The following RALYL variants were observed in gnomAD, a reference collection of about 807,000 sequenced individuals.
RALYL encodes RNA-binding Raly-like protein.
Under a neutral mutation model 35.1 loss-of-function variants are expected in RALYL, and 29 were observed. The ratio of observed to expected loss-of-function variants is 0.83; its 90% CI spans 0.61 to 1.13. The LOEUF is 1.13. RALYL is among the 50% of genes most tolerant of loss of function. The probability of loss-of-function intolerance (pLI) is 0.00; values close to 1 mark genes in which losing one functional copy is unlikely to be tolerated. For missense variants in RALYL, 359 were observed against 360.4 expected (o/e 1.00, Z 0.03); for synonymous variants, 120 against 127.6 (o/e 0.94, Z 0.40).
At chr8:84,888,949 C>T (rs1563814832) in intron 8 of RALYL, among the ~76,000 whole-genome samples, 2 of 152,076 alleles carry the variant, frequency 1.3e-5, no homozygotes, top group South Asian at 2.1e-4. Flanking sequence ...GCGGTTTCAC[C>T]ATGTTGGCCA....
At chr8:84,718,308 G>A (rs1275752216) in intron 2 of RALYL, among the ~76,000 whole-genome samples, 1 of 152,094 alleles carries the variant, frequency 6.6e-6, no homozygotes, top group African/African-American at 2.4e-5. Flanking sequence ...TTAAGTATGT[G>A]TTATCAACTT....
At chr8:84,639,140 G>A (rs568492270) in intron 2 of RALYL, among the ~76,000 whole-genome samples, 9 of 151,078 alleles carry the variant, frequency 6.0e-5, no homozygotes, top group South Asian at 2.1e-4. Flanking sequence ...GTCTTTTCTC[G>A]GGAGAAACTT....
chr8:84,201,567 CTT>C (rs35305807), intron 1 of RALYL, among the ~76,000 whole-genome samples: 2 of 137,740 alleles, frequency 1.5e-5, no homozygotes. Context: ...TTTTGCTTTT[CTT>C]TTTTTTTTTT....
intron 8 of RALYL, among the ~76,000 whole-genome samples, chr8:84,918,751 AAAT>A: frequency 6.6e-6 from 1 of 152,128 alleles, no homozygotes; most frequent in Non-Finnish European, 1.5e-5. Flanking sequence ...AGATAAGGAG[AAAT>A]ATATTCATGA....
At chr8:84,511,013 C>T (rs1208213024) in intron 1 of RALYL, among the ~76,000 whole-genome samples, 1 of 152,162 alleles carries the variant, frequency 6.6e-6, no homozygotes, top group African/African-American at 2.4e-5. Flanking sequence ...CAATAGATCT[C>T]AAAACCTATT....
chr8:84,273,010 A>G (rs1041609782), intron 1 of RALYL, among the ~76,000 whole-genome samples: 1 of 152,248 alleles, frequency 6.6e-6, no homozygotes, highest in Non-Finnish European at 1.5e-5. Flanking sequence ...TCTAGCAATT[A>G]TTCAGCCTAC....
intron 2 of RALYL, among the ~76,000 whole-genome samples, chr8:84,740,609 A>G (rs2133045873): frequency 6.6e-6 from 1 of 152,186 alleles, no homozygotes; most frequent in Admixed American, 6.6e-5. Flanking sequence ...GTTGTTCAGC[A>G]GATTACTAGA....
chr8:84,500,943 G>A (rs2056584624), intron 1 of RALYL, among the ~76,000 whole-genome samples: 1 of 152,106 alleles, frequency 6.6e-6, no homozygotes, highest in African/African-American at 2.4e-5. Flanking sequence ...TATTTGGAAT[G>A]ACAAGATGAT....
In RALYL at chr8:84,206,465, C is replaced by T. The variant is rs571806489; in HGVS notation, c.-24+22041C>T. 1.4e-4 allele frequency among the ~76,000 whole-genome samples: 21 copies of T among 152,148 alleles called. No homozygotes were observed. In the South Asian group the frequency reaches 1.7e-3, roughly 12 times the overall value. On this transcript the variant is annotated intron_variant, in intron 1 of 8. Coordinates refer to ENST00000521268, the MANE Select transcript of RALYL (RefSeq NM_173848.7). Reference sequence around the variant, plus strand: ...AATTATTTCATCAAGGCTATATACACGAGACACTGAAAAAACAGTTTAGTG... The same window carrying T: ...AATTATTTCATCAAGGCTATATACATGAGACACTGAAAAAACAGTTTAGTG...
chr8:84,684,097 G>T (rs1836250295), intron 2 of RALYL, among the ~76,000 whole-genome samples: 1 of 152,108 alleles, frequency 6.6e-6, no homozygotes, highest in Non-Finnish European at 1.5e-5. Context: ...GCCAAATTCA[G>T]CACTACTCAC....
intron 1 of RALYL, among the ~76,000 whole-genome samples, chr8:84,354,055 T>TA (rs1350441201): frequency 3.8e-5 from 5 of 132,444 alleles, no homozygotes; most frequent in Admixed American, 3.2e-4. Context: ...TCACTATTTT[T>TA]AAAAAATAGA....
At chr8:84,695,974 A>G (rs144209946) in intron 2 of RALYL, among the ~76,000 whole-genome samples, 71 of 151,844 alleles carry the variant, frequency 4.7e-4, no homozygotes, top group African/African-American at 1.6e-3. Flanking sequence ...GTCAAGGGCC[A>G]TTTTTTTCAA....
chr8:84,187,287 A>G (rs7009703), intron 1 of RALYL, among the ~76,000 whole-genome samples: 198 of 152,260 alleles, frequency 1.3e-3, no homozygotes, highest in African/African-American at 4.6e-3. Flanking sequence ...TAATTTTTCA[A>G]TGTCTATCTC....
rs576096722 is a variant in RALYL at position 84,630,094 on chromosome 8, T to C, written c.256+100517T>C. ...TTTAGGACAATCAGGCTATATGATT[T>C]AGAATTTTTTCCAGCTAAGATTAGC... is the stretch of plus-strand genomic sequence containing the variant. On this transcript the variant is annotated intron_variant, in intron 2 of 8. Transcript: ENST00000521268. 5.9e-5 allele frequency among the ~76,000 whole-genome samples: 9 copies of C among 152,172 alleles called. No individual in the cohort carries two copies. The East Asian group carries it at 1.7e-3, about 29-fold the overall frequency.
chr8:84,699,201 C>T (rs77795164), intron 2 of RALYL, among the ~76,000 whole-genome samples: 3,800 of 152,176 alleles, frequency 0.025, 74 homozygotes, highest in Non-Finnish European at 0.04. Flanking sequence ...TTTAATTTCT[C>T]ATCAGGATTC....
At chr8:84,315,362 G>C (rs1173735862) in intron 1 of RALYL, among the ~76,000 whole-genome samples, 3 of 152,096 alleles carry the variant, frequency 2.0e-5, no homozygotes, top group African/African-American at 7.2e-5. Flanking sequence ...TTTGCCAAGA[G>C]TATGTTTACT....
At chr8:84,554,562 G>A (rs1259064499) in intron 2 of RALYL, among the ~76,000 whole-genome samples, 1 of 152,104 alleles carries the variant, frequency 6.6e-6, no homozygotes, top group African/African-American at 2.4e-5. Context: ...AAGAGATGGA[G>A]ACACATAGTC....
chr8:84,538,122 C>T (rs1168158968), intron 2 of RALYL, among the ~76,000 whole-genome samples: 2 of 152,144 alleles, frequency 1.3e-5, no homozygotes, highest in Non-Finnish European at 2.9e-5. Flanking sequence ...AATTGTAGAA[C>T]TAACGGTCTG....
chr8:84,259,593 C>T (rs140391704), intron 1 of RALYL, among the ~76,000 whole-genome samples: 1 of 152,220 alleles, frequency 6.6e-6, no homozygotes, highest in East Asian at 1.9e-4. Flanking sequence ...CTGAAATTAT[C>T]AAGTTTGCAC....
Sources: gnomAD v4.1 joint callset for allele counts (sites outside exome capture counted in the v4.1 genomes callset) on GRCh38, gnomAD v4.1.1 for gene constraint, MANE v1.5 for transcripts, NCBI Gene and HGNC (gene_info 2026-07-23, HGNC 2026-07-21) for gene names.